Variants in TXLNG observed in about 807,000 individuals in gnomAD.
The protein encoded by TXLNG is gamma-taxilin.
A neutral mutation model predicts 38.8 loss-of-function variants in TXLNG; 5 were observed. That is an observed-to-expected ratio of 0.13 (90% CI 0.07 to 0.27). The LOEUF (loss-of-function observed/expected upper bound fraction) is 0.27. TXLNG is among the 10% of genes least tolerant of loss of function. The pLI, the probability that TXLNG is intolerant of heterozygous loss-of-function variation, is 1.00. For synonymous variants in TXLNG, 182 were observed against 158.2 expected (o/e 1.15, Z -1.13); for missense variants, 393 against 398.2 (o/e 0.99, Z 0.11).
At position 16,821,326 on chromosome X, in the gene TXLNG, G is replaced by C. The variant is rs139955951; in HGVS notation, c.498+1071G>C. Among the ~76,000 whole-genome samples, 710 of 106,445 alleles carry C rather than the reference G, an allele frequency of 6.7e-3. 6 individuals are homozygous for C. Among genetic ancestry groups the C allele is most frequent in the African/African-American group, 0.023 (669 of 29,181 alleles). 92.4% of individuals were successfully genotyped at this position (106,445 alleles called of 115,157 possible). A position where few individuals can be genotyped will look rare whatever the true frequency, so the allele number is the denominator to read the frequency against. On this transcript the variant is annotated intron_variant, in intron 3 of 9. Coordinates refer to ENST00000380122, the MANE Select transcript of TXLNG (RefSeq NM_018360.3). ...TGGCTAATTTTTTGTATTTTTAGTAGAGATGGGTTTCACCGTGTTAGCCAG... is the reference window on the plus strand; with the variant it reads ...TGGCTAATTTTTTGTATTTTTAGTACAGATGGGTTTCACCGTGTTAGCCAG...
At chrX:16,815,828 A>AT (rs934628560) in intron 1 of TXLNG, among the ~76,000 whole-genome samples, 7 of 103,888 alleles carry the variant, frequency 6.7e-5, no homozygotes, top group East Asian at 3.0e-4. Context: ...CCTGTCCGAA[A>AT]TTTTTTTTTT....
Position 16,841,746 on chromosome X carries a change from G to A in TXLNG, c.1567G>A (p.Ala523Thr). 1.7e-6 allele frequency: 2 copies of A among 1,210,141 alleles called. No individual in the cohort carries two copies. The highest frequency in any genetic ancestry group is 2.2e-6 in the Non-Finnish European group (2 of 894,727). Residue 523 changes from alanine (A) to threonine (T), a missense_variant, in exon 10 of 10, where the codon GCC becomes ACC. Physicochemically the swap from Ala to Thr is moderately conservative, Grantham distance 58. Coordinates refer to ENST00000380122, the MANE Select transcript of TXLNG (RefSeq NM_018360.3). ...QKPPSTGSAP[A>T]IESVD is the part of the protein sequence containing the mutation. ...GCCCCCGTCCACAGGCTCTGCTCCGGCCATCGAGTCGGTTGACTAAGATGA... is the reference window on the plus strand; with the variant it reads ...GCCCCCGTCCACAGGCTCTGCTCCGACCATCGAGTCGGTTGACTAAGATGA...
chrX:16,841,110 A>G (rs1298141500), intron 9 of TXLNG, among the ~76,000 whole-genome samples: 2 of 106,974 alleles, frequency 1.9e-5, no homozygotes, highest in African/African-American at 3.4e-5. Flanking sequence ...CAGGAGAATC[A>G]CCTCAACCCA....
At chrX:16,811,393 G>A (rs1053993172) in intron 1 of TXLNG, among the ~76,000 whole-genome samples, 3 of 110,058 alleles carry the variant, frequency 2.7e-5, no homozygotes, top group African/African-American at 9.9e-5. Context: ...TTTCCCTCTT[G>A]TCGCCCAGGC....
Position 16,818,777 on chromosome X carries a change from G to T in TXLNG, c.306G>T (p.Thr102=). 8 of 1,211,957 alleles carry T rather than the reference G, an allele frequency of 6.6e-6. No individual in the cohort carries two copies. Among genetic ancestry groups the T allele is most frequent in the Non-Finnish European group, 8.9e-6 (8 of 895,514 alleles). Residue 102 remains threonine, a synonymous_variant, in exon 2 of 10, where the codon ACG becomes ACT. Transcript: ENST00000380122. Reference sequence around the variant, plus strand: ...ATTTGGTGAGCCCAGCATACTGCACGCAAGAATCAAGAGAGGAAATCCCTG... The same window carrying T: ...ATTTGGTGAGCCCAGCATACTGCACTCAAGAATCAAGAGAGGAAATCCCTG... ...NRNLVSPAYC[T]QESREEIPGG...
rs769513453 is a variant in TXLNG at position 16,832,668 on chromosome X, G to C, written c.910G>C (p.Val304Leu). 3 of 1,210,595 alleles carry C rather than the reference G, an allele frequency of 2.5e-6. No homozygotes were observed. Among genetic ancestry groups the C allele is most frequent in the Admixed American group, 2.2e-5 (1 of 45,926 alleles). Residue 304 changes from valine (V) to leucine (L), a missense_variant, in exon 6 of 10, where the codon GTG (valine) becomes CTG (leucine). Transcript: ENST00000380122. Reference sequence around the variant, plus strand: ...ACATAAGGAACTGCAACAGCAGCTCGTGGATGCCAAACTGCAGCAAACGAC... The same window carrying C: ...ACATAAGGAACTGCAACAGCAGCTCCTGGATGCCAAACTGCAGCAAACGAC... Reference protein sequence around the residue: ...FKHKELQQQLVDAKLQQTTQL... With the variant: ...FKHKELQQQLLDAKLQQTTQL...
Position 16,827,570 on chromosome X carries a change from T to TAG in TXLNG, c.499-524_499-523insAG, listed in dbSNP as rs771932161. Reference sequence around the variant, plus strand: ...TGGAAGTTGAGGAGCCCATGTTGCTTGTGAGTTGTTGGGTTGAAAGCAGGG... The same window carrying TAG: ...TGGAAGTTGAGGAGCCCATGTTGCTTAGGTGAGTTGTTGGGTTGAAAGCAGGG... On this transcript the variant is annotated intron_variant, in intron 3 of 9. Transcript: ENST00000380122. Among the ~76,000 whole-genome samples, 17 of 111,700 alleles carry TAG rather than the reference T, an allele frequency of 1.5e-4. No homozygotes were observed. The East Asian group carries it at 4.5e-3, about 30-fold the overall frequency.
chrX:16,833,932 A>G (rs1213954376), intron 6 of TXLNG, among the ~76,000 whole-genome samples: 2 of 112,216 alleles, frequency 1.8e-5, no homozygotes, highest in Admixed American at 9.5e-5. Context: ...GGGCTTTTCT[A>G]AGTCACCCAG....
chrX:16,837,282 AC>A (rs1373071287), intron 7 of TXLNG, among the ~76,000 whole-genome samples: 5 of 111,803 alleles, frequency 4.5e-5, no homozygotes, highest in Non-Finnish European at 9.4e-5. Context: ...GACAGTTTTC[AC>A]TTGGCAGGAG....
At chrX:16,796,123 T>C (rs1327820652) in intron 1 of TXLNG, among the ~76,000 whole-genome samples, 2 of 110,556 alleles carry the variant, frequency 1.8e-5, no homozygotes, top group Non-Finnish European at 3.8e-5. Context: ...CTCACTTTTT[T>C]TTAGTATATA....
intron 3 of TXLNG, among the ~76,000 whole-genome samples, chrX:16,821,926 A>G (rs748754466): frequency 1.2e-3 from 124 of 106,333 alleles, no homozygotes; most frequent in Middle Eastern, 5.5e-3. Context: ...CCCGGGAGGC[A>G]GAGCTTGCAG....
At chrX:16,835,996 G>A (rs1929579999) in intron 7 of TXLNG, among the ~76,000 whole-genome samples, 1 of 112,725 alleles carries the variant, frequency 8.9e-6, no homozygotes, top group Admixed American at 9.4e-5. Flanking sequence ...CCTGCGAGGC[G>A]CAGTGGCTCA....
At chrX:16,812,889 C>CG (rs1393664723) in intron 1 of TXLNG, among the ~76,000 whole-genome samples, 22 of 107,163 alleles carry the variant, frequency 2.1e-4, no homozygotes, top group African/African-American at 7.5e-4. Flanking sequence ...TTAGTAGAGG[C>CG]GGTGTTTCTC....
chrX:16,795,812 ATTTT>A (rs758666977), intron 1 of TXLNG, among the ~76,000 whole-genome samples: 1 of 97,896 alleles, frequency 1.0e-5, no homozygotes. Context: ...GTATAATTCA[ATTTT>A]TTTTTTTTTT....
rs139189458 is a variant in TXLNG, at chrX:16,801,889, C to T, written c.102+15300C>T. ...CCCTGTGTTCAGATCTTGGCCTAAC[C>T]GTTGCATAATCTTGGGCAAATAAGG... On this transcript the variant is annotated intron_variant, in intron 1 of 9. Coordinates refer to ENST00000380122, the MANE Select transcript of TXLNG (RefSeq NM_018360.3). Among the ~76,000 whole-genome samples the T allele has an allele frequency of 7.6e-3, 830 of 109,332 alleles. 3 individuals are homozygous for T. The highest frequency in any genetic ancestry group is 0.024 in the Middle Eastern group (5 of 209). 94.9% of individuals were successfully genotyped at this position (109,332 alleles called of 115,157 possible).
chrX:16,786,747 G>C (rs1441896546), intron 1 of TXLNG, among the ~76,000 whole-genome samples, 158 bp downstream of exon 1: 2 of 109,415 alleles, frequency 1.8e-5, no homozygotes, highest in East Asian at 2.9e-4. Flanking sequence ...GAGCAGGTGG[G>C]GGGGGGTGGG....
chrX:16,838,813 C>T (rs1929694174), intron 8 of TXLNG, among the ~76,000 whole-genome samples: 1 of 111,984 alleles, frequency 8.9e-6, no homozygotes, highest in Non-Finnish European at 1.9e-5. Context: ...CTGGATCTGC[C>T]ATCCTTCTGG....
chrX:16,833,527 G>C (rs889487476), intron 6 of TXLNG, among the ~76,000 whole-genome samples: 2 of 111,628 alleles, frequency 1.8e-5, no homozygotes, highest in Admixed American at 9.5e-5. Flanking sequence ...AGAGAGACAT[G>C]TTTTTCACAG....
chrX:16,841,581 G>C lies in TXLNG; in HGVS notation c.1402G>C (p.Ala468Pro). ...ATCCATCAAAGCGGCCATCAAAGCGGCGAACAGGGATTTAGCAACACCTGT... is the reference window on the plus strand; with the variant it reads ...ATCCATCAAAGCGGCCATCAAAGCGCCGAACAGGGATTTAGCAACACCTGT... ...QVSIKAAIKA[A>P]NRDLATPVMQ... The change falls in exon 10 of 10, where the codon GCG becomes CCG. Residue 468 changes from alanine (A) to proline (P), a missense_variant. Transcript: ENST00000380122. 8.3e-7 allele frequency: 1 copy of C among 1,211,618 alleles called. No homozygotes were observed. Among genetic ancestry groups the C allele is most frequent in the Non-Finnish European group, 1.1e-6 (1 of 895,522 alleles).
Sources: allele counts gnomAD v4.1 joint callset (sites outside exome capture counted in the v4.1 genomes callset), GRCh38; gene constraint gnomAD v4.1.1; transcripts MANE v1.5; gene names NCBI Gene and HGNC (gene_info 2026-07-23, HGNC 2026-07-21).